SENP7: variants seen among roughly 807,000 people sequenced by gnomAD.
SENP7 encodes the protein SUMO specific peptidase 7.
Under a neutral mutation model 141.2 loss-of-function variants are expected in SENP7, and 64 were observed. The ratio of observed to expected loss-of-function variants is 0.45; its 90% CI spans 0.37 to 0.56. The LOEUF (loss-of-function observed/expected upper bound fraction) is 0.56. Among genes scored for constraint, SENP7 ranks in the 20% least tolerant of loss-of-function variants. SENP7 has a pLI of 0.00. For synonymous variants in SENP7, 382 were observed against 426.4 expected, an observed-to-expected ratio of 0.90 and a Z score of 1.28; for missense variants, 1,025 against 1,212.2, an observed-to-expected ratio of 0.85 and a Z score of 2.29.
chr3:101,506,065 C>A (rs927853649), intron 1 of SENP7, among the ~76,000 whole-genome samples: 1 of 149,064 alleles, frequency 6.7e-6, no homozygotes, highest in African/African-American at 2.5e-5. Flanking sequence ...CTGTCACCCA[C>A]GCTGGAGTGC....
intron 11 of SENP7, among the ~76,000 whole-genome samples, chr3:101,356,925 T>C (rs1294004102): frequency 6.6e-6 from 1 of 152,202 alleles, no homozygotes; most frequent in Non-Finnish European, 1.5e-5. Flanking sequence ...TAAATACTCT[T>C]CTTCACTTTA....
chr3:101,325,947 C>T lies in SENP7; in HGVS notation c.3149G>A (p.Ser1050Asn), dbSNP rs1357939822. 1 of 1,607,592 alleles carries T rather than the reference C, an allele frequency of 6.2e-7. No individual in the cohort carries two copies. The highest frequency in any genetic ancestry group is 8.5e-7 in the Non-Finnish European group (1 of 1,176,882). The change falls in exon 24 of 24, where the codon AGC (serine) becomes AAC (asparagine). Residue 1050 changes from serine to asparagine, a missense_variant. Around this residue, in one of 4 missense-constraint regions of SENP7, gnomAD observed 295 missense variants for 459.1 expected, o/e 0.64. Coordinates refer to ENST00000394095, the MANE Select transcript of SENP7 (RefSeq NM_020654.5). ...LHLQQQKGSSS is the reference protein window; with the variant it reads ...LHLQQQKGSSN ...TGTCATGTTTGTACAGATTAACTAG[C>T]TACTGCTGCCCTTCTGTTGCTGTAA...
At chr3:101,365,436 G>C (rs1358737611) in intron 9 of SENP7, among the ~76,000 whole-genome samples, 1 of 149,740 alleles carries the variant, frequency 6.7e-6, no homozygotes, top group Admixed American at 6.7e-5. Flanking sequence ...AGGAGTTCAA[G>C]ATCAGCCAGG....
intron 2 of SENP7, among the ~76,000 whole-genome samples, chr3:101,500,073 CCT>C (rs1306647098): frequency 6.6e-6 from 1 of 152,162 alleles, no homozygotes; most frequent in East Asian, 1.9e-4. Context: ...CTCTTGATTT[CCT>C]CTCATTGTCT....
At chr3:101,360,286 A>G (rs1312056951) in intron 11 of SENP7, among the ~76,000 whole-genome samples, 1 of 152,170 alleles carries the variant, frequency 6.6e-6, no homozygotes, top group Admixed American at 6.5e-5. Flanking sequence ...CTTTGTCTGC[A>G]TGGGTACCAA....
rs537802174 is a variant in SENP7 at position 101,437,990 on chromosome 3, A to T, written c.285-20200T>A. 2.6e-5 allele frequency among the ~76,000 whole-genome samples: 4 copies of T among 152,212 alleles called. No individual in the cohort carries two copies. The South Asian group carries it at 8.3e-4, about 32-fold the overall frequency. On this transcript the variant is annotated intron_variant, in intron 4 of 23. Coordinates refer to ENST00000394095, the MANE Select transcript of SENP7 (RefSeq NM_020654.5). Reference sequence around the variant, plus strand: ...ATGTGAAGAAACTGGAAATTTACTCACTGCTAGCAGGAACATAAAATGAGG... The same window carrying T: ...ATGTGAAGAAACTGGAAATTTACTCTCTGCTAGCAGGAACATAAAATGAGG...
chr3:101,386,588 C>T (rs1017848329), intron 6 of SENP7, among the ~76,000 whole-genome samples: 3 of 152,182 alleles, frequency 2.0e-5, no homozygotes, highest in Admixed American at 1.3e-4. Context: ...CCCAAATCCA[C>T]CTAGAAGGCT....
At chr3:101,372,932 C>T (rs906855034) in intron 6 of SENP7, among the ~76,000 whole-genome samples, 12 of 151,816 alleles carry the variant, frequency 7.9e-5, no homozygotes, top group African/African-American at 2.7e-4. Context: ...TACTTATGTA[C>T]ATATTTGAAG....
intron 3 of SENP7, among the ~76,000 whole-genome samples, chr3:101,491,697 A>G (rs2064972425): frequency 6.6e-6 from 1 of 152,224 alleles, no homozygotes; most frequent in Non-Finnish European, 1.5e-5. Context: ...CAAACCAACA[A>G]ATGTATTATT....
At chr3:101,471,538 C>A (rs188713114) in intron 3 of SENP7, among the ~76,000 whole-genome samples, 4 of 152,254 alleles carry the variant, frequency 2.6e-5, no homozygotes, top group African/African-American at 9.6e-5. Context: ...AGACCTAAAA[C>A]CATAAAAACC....
intron 5 of SENP7, among the ~76,000 whole-genome samples, chr3:101,400,665 ATCTC>A (rs534625544): frequency 2.0e-5 from 3 of 150,502 alleles, no homozygotes; most frequent in Non-Finnish European, 4.4e-5. Flanking sequence ...CCATTCCCCT[ATCTC>A]TCTCTCTCTC....
chr3:101,507,656 G>T (rs548216424), intron 1 of SENP7, among the ~76,000 whole-genome samples: 138 of 117,784 alleles, frequency 1.2e-3, no homozygotes, highest in South Asian at 3.0e-3. Context: ...TGTTTCCTTT[G>T]GGGGGAAGAC....
chr3:101,447,202 T>C (rs993301991), intron 4 of SENP7, among the ~76,000 whole-genome samples: 4 of 152,170 alleles, frequency 2.6e-5, no homozygotes, highest in South Asian at 2.1e-4. Flanking sequence ...ACTAACACTC[T>C]GGGAAGCCAA....
intron 4 of SENP7, among the ~76,000 whole-genome samples, chr3:101,419,896 C>A (rs1250225021): frequency 2.0e-5 from 3 of 152,186 alleles, no homozygotes; most frequent in Admixed American, 6.5e-5. Context: ...ACAAATTATT[C>A]TTCTCATGCA....
chr3:101,493,745 C>G (rs910958783), intron 3 of SENP7, 128 bp downstream of exon 3: 38 of 516,078 alleles, frequency 7.4e-5, no homozygotes, highest in African/African-American at 6.0e-4. Flanking sequence ...GAACTAAAAT[C>G]TGCAATTAAA....
chr3:101,332,041 T>C lies in SENP7; in HGVS notation c.2642A>G (p.Gln881Arg). 1.2e-6 allele frequency: 2 copies of C among 1,613,604 alleles called. No individual in the cohort carries two copies. The highest frequency in any genetic ancestry group is 1.7e-6 in the Non-Finnish European group (2 of 1,179,702). The change falls in exon 19 of 24, where the codon CAA becomes CGA. Residue 881 changes from glutamine (Q) to arginine (R), a missense_variant. Physicochemically the swap from Gln to Arg is conservative, Grantham distance 43. Transcript: ENST00000394095. ...LEEAVYEDFP[Q>R]TVSQQSQAQQ... ...AGCCTGGGACTGCTGGGATACAGTT[T>C]GTGGAAAATCTTCATACACAGCTTC... is the stretch of plus-strand genomic sequence containing the variant.
intron 3 of SENP7, among the ~76,000 whole-genome samples, chr3:101,474,382 G>A (rs1205943137): frequency 6.6e-6 from 1 of 152,114 alleles, no homozygotes. Context: ...AGTTCTCCTT[G>A]AAGAGATCTT....
intron 4 of SENP7, among the ~76,000 whole-genome samples, chr3:101,447,192 A>T (rs758691388): frequency 2.6e-5 from 4 of 152,172 alleles, no homozygotes; most frequent in Admixed American, 6.5e-5. Flanking sequence ...CACCTATAAT[A>T]CTAACACTCT....
intron 6 of SENP7, among the ~76,000 whole-genome samples, chr3:101,385,281 C>T (rs527464815): frequency 6.6e-6 from 1 of 152,058 alleles, no homozygotes; most frequent in Non-Finnish European, 1.5e-5. Flanking sequence ...GAACACACCC[C>T]ACAACCTCAA....
Sources: gnomAD v4.1 joint callset for allele counts (sites outside exome capture counted in the v4.1 genomes callset) on GRCh38, gnomAD v4.1.1 for gene constraint, gnomAD v4.1.1 regional missense constraint, MANE v1.5 for transcripts, NCBI Gene and HGNC (gene_info 2026-07-23, HGNC 2026-07-21) for gene names.